Variants in TMEM132B observed in about 807,000 individuals in gnomAD.
The protein encoded by TMEM132B is transmembrane protein 132B.
Under a neutral mutation model 90.8 loss-of-function variants are expected in TMEM132B, and 18 were observed. The observed-to-expected ratio is 0.20, with a 90% CI of 0.14 to 0.29. The LOEUF is 0.29. TMEM132B is among the 10% of genes least tolerant of loss of function. The pLI, the probability that TMEM132B is intolerant of heterozygous loss-of-function variation, is 1.00. For synonymous variants in TMEM132B, 504 were observed against 523.3 expected (o/e 0.96, Z 0.50); for missense variants, 1,096 against 1,326.8 (o/e 0.83, Z 2.70).
chr12:125,356,815 C>T (rs1297303478), intron 2 of TMEM132B, among the ~76,000 whole-genome samples: 1 of 152,230 alleles, frequency 6.6e-6, no homozygotes, highest in Non-Finnish European at 1.5e-5. Flanking sequence ...ATGCTCCTAC[C>T]CAGGGCCTCT....
chr12:125,647,750 TA>T (rs762125542), intron 6 of TMEM132B, among the ~76,000 whole-genome samples: 1 of 152,110 alleles, frequency 6.6e-6, no homozygotes, highest in Non-Finnish European at 1.5e-5. Context: ...AGAAGAATGA[TA>T]GAATGAGTAA....
rs562120593 is a variant in TMEM132B, at chr12:125,407,824, G to A, written c.960-7707G>A. Among the ~76,000 whole-genome samples, 15 of 152,228 alleles carry A rather than the reference G, an allele frequency of 9.9e-5. No individual in the cohort carries two copies. Among genetic ancestry groups the A allele is most frequent in the Non-Finnish European group, 2.2e-4 (15 of 68,040 alleles). ...ACCAGTGAACGTGGGCAGTGGTGGA[G>A]CCACCATGTCCTCCTGGCTCTGACT... is the stretch of plus-strand genomic sequence containing the variant. On this transcript the variant is annotated intron_variant, in intron 2 of 8. Transcript: ENST00000682704. This position sits in a 1 kb window ranked among gnomAD's most constrained non-coding sequence, Gnocchi z 6.7.
chr12:125,651,060 A>C, intron 7 of TMEM132B, 107 bp downstream of exon 7: 1 of 1,416,160 alleles, frequency 7.1e-7, no homozygotes. Context: ...GTGGACATGT[A>C]TATCAACGTG....
chr12:125,261,410 T>C (rs1415458278), intron 1 of TMEM132B, among the ~76,000 whole-genome samples: 3 of 152,194 alleles, frequency 2.0e-5, no homozygotes, highest in Non-Finnish European at 2.9e-5. Context: ...GTGGTCTTCG[T>C]TGCTCTAATA....
chr12:125,416,670 GC>G (rs1880023888), intron 3 of TMEM132B, among the ~76,000 whole-genome samples: 1 of 152,212 alleles, frequency 6.6e-6, no homozygotes, highest in South Asian at 2.1e-4. Context: ...ACTCTCTTCT[GC>G]CTGCTTTTGA....
In TMEM132B at chr12:125,498,166, G is replaced by C. The variant is rs1882606255; in HGVS notation, c.1107-21273G>C. On this transcript the variant is annotated intron_variant, in intron 3 of 8. Transcript: ENST00000682704. The surrounding 1 kb of genome is among the most constrained non-coding windows in gnomAD (Gnocchi z 4.5). ...ACAAGCCAGTGTGTTTTAAACTAGA[G>C]GCATCCTCTGGTTCTCTGAGGGTGT... is the stretch of plus-strand genomic sequence containing the variant. Among the ~76,000 whole-genome samples the C allele has an allele frequency of 6.6e-6, 1 of 152,176 alleles. No individual in the cohort carries two copies. The highest frequency in any genetic ancestry group is 2.1e-4 in the South Asian group (1 of 4,836).
chr12:125,539,838 A>G (rs1469689007), intron 4 of TMEM132B, among the ~76,000 whole-genome samples: 1 of 152,026 alleles, frequency 6.6e-6, no homozygotes, highest in Non-Finnish European at 1.5e-5. Context: ...ATATTTTCAT[A>G]TTTCATTGGC....
At chr12:125,509,242 A>C (rs1473285223) in intron 3 of TMEM132B, among the ~76,000 whole-genome samples, 1 of 152,196 alleles carries the variant, frequency 6.6e-6, no homozygotes, top group African/African-American at 2.4e-5. Flanking sequence ...CTGTGGTATC[A>C]GAGGTGTGGT....
At chr12:125,472,042 T>A (rs1191219707) in intron 3 of TMEM132B, among the ~76,000 whole-genome samples, 2 of 152,180 alleles carry the variant, frequency 1.3e-5, no homozygotes, top group African/African-American at 4.8e-5. Context: ...AAGCACTCAT[T>A]GACTTAAGGA....
In TMEM132B at chr12:125,434,753, C is replaced by T. The variant is rs139906359; in HGVS notation, c.1106+19076C>T. Among the ~76,000 whole-genome samples the T allele has an allele frequency of 3.2e-3, 486 of 152,344 alleles. 4 individuals are homozygous for T. Among genetic ancestry groups the T allele is most frequent in the Middle Eastern group, 0.014 (4 of 294 alleles). Reference sequence around the variant, plus strand: ...CTAATCTCTGTGTTTTTTCACCATCCTGTCTGCCTTCTCAGATTTTCCTTT... The same window carrying T: ...CTAATCTCTGTGTTTTTTCACCATCTTGTCTGCCTTCTCAGATTTTCCTTT... On this transcript the variant is annotated intron_variant, in intron 3 of 8. Transcript: ENST00000682704.
intron 4 of TMEM132B, among the ~76,000 whole-genome samples, chr12:125,568,215 G>T (rs1884706198): frequency 6.6e-6 from 1 of 152,064 alleles, no homozygotes; most frequent in South Asian, 2.1e-4. Context: ...CTGTCTCTCT[G>T]TCTCATTCTC....
At chr12:125,352,566 G>T (rs1180165075) in intron 2 of TMEM132B, among the ~76,000 whole-genome samples, 1 of 152,248 alleles carries the variant, frequency 6.6e-6, no homozygotes, top group East Asian at 1.9e-4. Context: ...ATCTCCTGGG[G>T]TGGTGGTAAA....
At chr12:125,411,954 TC>T (rs1265807205) in intron 2 of TMEM132B, among the ~76,000 whole-genome samples, 1 of 152,200 alleles carries the variant, frequency 6.6e-6, no homozygotes, top group Non-Finnish European at 1.5e-5. Context: ...CTCCCTGCCT[TC>T]CTTGGGTCCC....
intron 4 of TMEM132B, among the ~76,000 whole-genome samples, chr12:125,560,421 G>A (rs1019726441): frequency 3.9e-5 from 6 of 152,138 alleles, no homozygotes; most frequent in Non-Finnish European, 7.3e-5. Flanking sequence ...ACATTTATGC[G>A]GCCAACAAAC....
intron 1 of TMEM132B, among the ~76,000 whole-genome samples, chr12:125,273,884 G>T (rs922589774): frequency 1.3e-5 from 2 of 152,116 alleles, no homozygotes; most frequent in Admixed American, 1.3e-4. Flanking sequence ...GTCTGGTCTT[G>T]AACTTCTGAC....
intron 1 of TMEM132B, among the ~76,000 whole-genome samples, chr12:125,307,996 T>TATGTA (rs529644938): frequency 7.2e-6 from 1 of 138,602 alleles, no homozygotes; most frequent in Admixed American, 7.5e-5. Context: ...AATATAAATA[T>TATGTA]ATATAAGTAA....
At chr12:125,609,327 G>A (rs955657626) in intron 5 of TMEM132B, among the ~76,000 whole-genome samples, 2 of 152,132 alleles carry the variant, frequency 1.3e-5, no homozygotes, top group Non-Finnish European at 2.9e-5. Context: ...GATTTAGAAA[G>A]TTTTGAAATC....
intron 2 of TMEM132B, among the ~76,000 whole-genome samples, chr12:125,363,920 G>A (rs546600332): frequency 2.0e-4 from 31 of 152,240 alleles, no homozygotes; most frequent in East Asian, 3.9e-4. Flanking sequence ...ATATTTATAC[G>A]GATGAATGCT....
chr12:125,218,547 C>T (rs1873489499), intron 1 of TMEM132B, among the ~76,000 whole-genome samples: 2 of 152,132 alleles, frequency 1.3e-5, no homozygotes, highest in South Asian at 2.1e-4. Context: ...GGAAGAAACC[C>T]CCACCCTGGC....
Sources: allele counts gnomAD v4.1 joint callset (sites outside exome capture counted in the v4.1 genomes callset), GRCh38; gene constraint gnomAD v4.1.1; non-coding constraint Gnocchi (gnomAD v3.1); transcripts MANE v1.5; gene names NCBI Gene and HGNC (gene_info 2026-07-23, HGNC 2026-07-21).